KHDRBS2: variants seen among roughly 807,000 people sequenced by gnomAD.
KHDRBS2 encodes KH domain-containing, RNA-binding, signal transduction-associated protein 2.
KHDRBS2 carries 26 observed loss-of-function variants against 44.3 expected under a neutral mutation model. The observed-to-expected ratio is 0.59, with a 90% CI of 0.43 to 0.81. KHDRBS2 has a LOEUF of 0.81. Among genes scored for constraint, KHDRBS2 ranks in the 40% least tolerant of loss-of-function variants. The probability of loss-of-function intolerance (pLI) is 0.00; values close to 1 mark genes in which losing one functional copy is unlikely to be tolerated. For missense variants in KHDRBS2, 476 were observed against 433.1 expected (o/e 1.10, Z -0.88); for synonymous variants, 194 against 151.1 (o/e 1.28, Z -2.08).
chr6:61,562,253 C>A, the KHDRBS2 span, among the ~76,000 whole-genome samples: 2 of 152,100 alleles, frequency 1.3e-5, no homozygotes, highest in East Asian at 3.9e-4. Context: ...ACTACTCTAG[C>A]CTGAGAGGCA....
chr6:62,190,575 C>A (rs1824398559), intron 1 of KHDRBS2, among the ~76,000 whole-genome samples: 1 of 152,102 alleles, frequency 6.6e-6, no homozygotes, highest in Non-Finnish European at 1.5e-5. Flanking sequence ...CATCTACCAT[C>A]TTTCATCTTT....
chr6:62,062,811 A>C (rs1792336270), intron 2 of KHDRBS2, among the ~76,000 whole-genome samples: 1 of 148,294 alleles, frequency 6.7e-6, no homozygotes, highest in Non-Finnish European at 1.5e-5. Context: ...AGACACAAAA[A>C]ACCCTTCAAA....
At chr6:61,853,693 A>G (rs1296752473) in intron 6 of KHDRBS2, among the ~76,000 whole-genome samples, 1 of 152,226 alleles carries the variant, frequency 6.6e-6, no homozygotes, top group African/African-American at 2.4e-5. Context: ...GAAAAAATAA[A>G]TCCCCAAATA....
intron 6 of KHDRBS2, among the ~76,000 whole-genome samples, chr6:61,806,157 T>C (rs556097705): frequency 5.5e-4 from 84 of 152,292 alleles, no homozygotes; most frequent in African/African-American, 2.0e-3. Context: ...ACATTCTCCT[T>C]TTTCTTAAAT....
intron 6 of KHDRBS2, among the ~76,000 whole-genome samples, chr6:61,778,937 C>T (rs1183106417): frequency 6.6e-6 from 1 of 152,172 alleles, no homozygotes; most frequent in Non-Finnish European, 1.5e-5. Context: ...TACTCATTGC[C>T]TGCCTAACTG....
At chr6:61,988,320 C>G (rs1016714890) in intron 3 of KHDRBS2, among the ~76,000 whole-genome samples, 1 of 152,176 alleles carries the variant, frequency 6.6e-6, no homozygotes, top group East Asian at 1.9e-4. Context: ...TCTGAATTAA[C>G]ATATGAGAGA....
intron 4 of KHDRBS2, among the ~76,000 whole-genome samples, chr6:61,914,242 T>C (rs141760038): frequency 6.6e-6 from 1 of 151,486 alleles, no homozygotes; most frequent in African/African-American, 2.4e-5. Context: ...TGGCAAATAA[T>C]GAAAAAAAAA....
chr6:61,891,641 G>C (rs149804650), intron 6 of KHDRBS2, among the ~76,000 whole-genome samples: 1 of 152,006 alleles, frequency 6.6e-6, no homozygotes, highest in Non-Finnish European at 1.5e-5. Flanking sequence ...CAGAACCAAC[G>C]ACAAAAACCA....
chr6:62,086,379 A>T (rs571816526), intron 2 of KHDRBS2, among the ~76,000 whole-genome samples: 125 of 152,320 alleles, frequency 8.2e-4, no homozygotes, highest in African/African-American at 2.8e-3. Context: ...GCTATAAAAA[A>T]TATTTAATTA....
At chr6:62,054,656 T>G (rs1286724833) in intron 2 of KHDRBS2, among the ~76,000 whole-genome samples, 4 of 151,958 alleles carry the variant, frequency 2.6e-5, no homozygotes, top group Admixed American at 1.3e-4. Flanking sequence ...TTGCTGGCTT[T>G]GAAGATGAAA....
intron 3 of KHDRBS2, among the ~76,000 whole-genome samples, chr6:62,011,485 G>A (rs558014142): frequency 6.6e-6 from 1 of 152,124 alleles, no homozygotes; most frequent in South Asian, 2.1e-4. Flanking sequence ...CATGATTTGT[G>A]GAAAATCATT....
rs921670757 is a variant in KHDRBS2 at position 61,909,609 on chromosome 6, G to A, written c.484-8238C>T. 5.9e-5 allele frequency among the ~76,000 whole-genome samples: 9 copies of A among 151,984 alleles called. No individual in the cohort carries two copies. The South Asian group carries it at 1.2e-3, about 21-fold the overall frequency. ...GCCTCTCTGACAAGGCCCTCCCATC[G>A]TGACACCATATGGTGTAAACAGTAT... On this transcript the variant is annotated intron_variant, in intron 4 of 8. Transcript: ENST00000281156.
chr6:61,853,029 C>T (rs553944612), intron 6 of KHDRBS2, among the ~76,000 whole-genome samples: 3 of 152,168 alleles, frequency 2.0e-5, no homozygotes, highest in Non-Finnish European at 4.4e-5. Context: ...TTTTGGGATA[C>T]TGATCTGTTG....
intron 6 of KHDRBS2, among the ~76,000 whole-genome samples, chr6:61,875,833 A>G (rs1236468366): frequency 6.6e-6 from 1 of 152,008 alleles, no homozygotes; most frequent in African/African-American, 2.4e-5. Flanking sequence ...ATAACTGTCC[A>G]ACTTTAAATG....
chr6:62,053,065 T>G (rs537626215), intron 2 of KHDRBS2, among the ~76,000 whole-genome samples: 1 of 152,188 alleles, frequency 6.6e-6, no homozygotes, highest in South Asian at 2.1e-4. Context: ...ACAGTAAACA[T>G]TTTGCTCTCT....
At chr6:62,218,356 T>C (rs1436899480) in intron 1 of KHDRBS2, among the ~76,000 whole-genome samples, 4 of 151,740 alleles carry the variant, frequency 2.6e-5, no homozygotes, top group Non-Finnish European at 5.9e-5. Flanking sequence ...CTTAGACATA[T>C]AATTATTTCC....
At chr6:61,551,739 A>T in the KHDRBS2 span, among the ~76,000 whole-genome samples, 2 of 152,100 alleles carry the variant, frequency 1.3e-5, no homozygotes, top group African/African-American at 4.8e-5. Flanking sequence ...CTTTTGTGGC[A>T]TACCATGCTG....
At chr6:61,853,500 T>C (rs553825917) in intron 6 of KHDRBS2, among the ~76,000 whole-genome samples, 1 of 152,298 alleles carries the variant, frequency 6.6e-6, no homozygotes, top group South Asian at 2.1e-4. Flanking sequence ...ATGAGGACTT[T>C]TGTCTCCTCC....
intron 6 of KHDRBS2, among the ~76,000 whole-genome samples, chr6:61,875,375 G>A (rs905326417): frequency 2.6e-5 from 4 of 152,164 alleles, no homozygotes; most frequent in Non-Finnish European, 4.4e-5. Context: ...GTCCATAAAA[G>A]TCCAGTTCCA....
Sources: allele counts gnomAD v4.1 joint callset (sites outside exome capture counted in the v4.1 genomes callset), GRCh38; gene constraint gnomAD v4.1.1; transcripts MANE v1.5; gene names NCBI Gene and HGNC (gene_info 2026-07-23, HGNC 2026-07-21).